ROBO2: variants seen among roughly 807,000 people sequenced by gnomAD.
The protein encoded by ROBO2 is roundabout homolog 2.
ROBO2 carries 53 observed loss-of-function variants against 160.8 expected under a neutral mutation model. That is an observed-to-expected ratio of 0.33 (90% CI 0.26 to 0.41). ROBO2 has a LOEUF of 0.41. Among genes scored for constraint, ROBO2 ranks in the 10% least tolerant of loss-of-function variants. The pLI is 1.00. For synonymous variants in ROBO2, 664 were observed against 611.7 expected (o/e 1.09, Z -1.26); for missense variants, 1,577 against 1,722.4 (o/e 0.92, Z 1.49).
intron 2 of ROBO2, among the ~76,000 whole-genome samples, chr3:76,019,553 G>A (rs535232878): frequency 1.3e-3 from 192 of 150,244 alleles, no homozygotes; most frequent in South Asian, 5.7e-3. Context: ...CTGAAGTTCC[G>A]TGTATATCTG....
intron 1 of ROBO2, among the ~76,000 whole-genome samples, chr3:77,041,903 A>G (rs1240634702): frequency 6.6e-6 from 1 of 152,152 alleles, no homozygotes; most frequent in Non-Finnish European, 1.5e-5. Flanking sequence ...GAGCCATCAC[A>G]ATAGCTTGTT....
chr3:77,422,486 C>T (rs981840949), intron 2 of ROBO2, among the ~76,000 whole-genome samples: 3 of 152,262 alleles, frequency 2.0e-5, no homozygotes, highest in East Asian at 1.9e-4. Context: ...GTCTTTGCCA[C>T]GTCCTCCTGA....
At chr3:76,791,799 A>G (rs1350965223) in intron 2 of ROBO2, among the ~76,000 whole-genome samples, 1 of 151,658 alleles carries the variant, frequency 6.6e-6, no homozygotes, top group Admixed American at 6.6e-5. Context: ...TCAACCAACC[A>G]TGGATTGGTT....
intron 2 of ROBO2, among the ~76,000 whole-genome samples, chr3:77,401,734 C>T (rs2075814212): frequency 6.6e-6 from 1 of 152,254 alleles, no homozygotes; most frequent in South Asian, 2.1e-4. Context: ...AGGCGATGGT[C>T]AGGCATTTGT....
At chr3:76,076,439 T>C (rs947831745) in intron 2 of ROBO2, among the ~76,000 whole-genome samples, 1 of 152,144 alleles carries the variant, frequency 6.6e-6, no homozygotes, top group Non-Finnish European at 1.5e-5. Context: ...ATATAAAAAA[T>C]GGAAATCATA....
At chr3:77,310,653 G>A (rs953748740) in intron 2 of ROBO2, among the ~76,000 whole-genome samples, 19 of 152,162 alleles carry the variant, frequency 1.2e-4, no homozygotes, top group Admixed American at 5.2e-4. Flanking sequence ...AAATGGTATG[G>A]TGCAAAGCTT....
At chr3:76,268,021 C>CTAA (rs1559700557) in intron 2 of ROBO2, among the ~76,000 whole-genome samples, 1 of 152,150 alleles carries the variant, frequency 6.6e-6, no homozygotes, top group Non-Finnish European at 1.5e-5. Context: ...TGGCAAGGGC[C>CTAA]TAATACATGT....
At chr3:76,905,171 G>A (rs1577376308) in intron 2 of ROBO2, among the ~76,000 whole-genome samples, 1 of 152,074 alleles carries the variant, frequency 6.6e-6, no homozygotes, top group Admixed American at 6.6e-5. Flanking sequence ...AGAGATTGAT[G>A]TTTTATCCCA....
At chr3:75,957,872 C>T (rs1161072971) in intron 2 of ROBO2, among the ~76,000 whole-genome samples, 2 of 151,534 alleles carry the variant, frequency 1.3e-5, no homozygotes, top group Admixed American at 1.3e-4. Flanking sequence ...CAGCTTTGTT[C>T]AGTTATATAC....
chr3:77,585,987 A>G (rs1191879498), intron 16 of ROBO2, among the ~76,000 whole-genome samples: 4 of 152,096 alleles, frequency 2.6e-5, no homozygotes, highest in South Asian at 2.1e-4. Flanking sequence ...GATTTGTACT[A>G]TGCCAGACCA....
At chr3:76,631,432 AAAGT>A (rs1475891642) in intron 2 of ROBO2, among the ~76,000 whole-genome samples, 1 of 152,200 alleles carries the variant, frequency 6.6e-6, no homozygotes, top group African/African-American at 2.4e-5. Flanking sequence ...TAGAAAAAAA[AAAGT>A]AAGTATTTTG....
chr3:76,746,002 G>T (rs2093883983), intron 2 of ROBO2, among the ~76,000 whole-genome samples: 1 of 109,140 alleles, frequency 9.2e-6, no homozygotes, highest in Non-Finnish European at 1.7e-5. Flanking sequence ...CCCCAAAACA[G>T]TCCCCAGAGT....
intron 2 of ROBO2, among the ~76,000 whole-genome samples, chr3:76,811,130 A>G (rs1469356757): frequency 6.6e-6 from 1 of 152,142 alleles, no homozygotes; most frequent in Non-Finnish European, 1.5e-5. Context: ...ATAATATTCA[A>G]AGTTTGGGAA....
chr3:76,798,217 A>C (rs181213662), intron 2 of ROBO2, among the ~76,000 whole-genome samples: 1 of 149,462 alleles, frequency 6.7e-6, no homozygotes, highest in Non-Finnish European at 1.5e-5. Context: ...GAAAGAGAAA[A>C]AGAAAGAAAG....
intron 2 of ROBO2, among the ~76,000 whole-genome samples, chr3:76,277,918 C>A: frequency 6.6e-6 from 1 of 150,778 alleles, no homozygotes; most frequent in Non-Finnish European, 1.5e-5. Flanking sequence ...TTGAAAGTTA[C>A]AGTTTTTTGT....
At chr3:76,396,477 A>G (rs1296333044) in intron 2 of ROBO2, among the ~76,000 whole-genome samples, 1 of 152,144 alleles carries the variant, frequency 6.6e-6, no homozygotes, top group African/African-American at 2.4e-5. Context: ...GGTCAGGGCA[A>G]TTAGGCAGGA....
At chr3:75,917,648 C>T (rs1946867164) in intron 1 of ROBO2, among the ~76,000 whole-genome samples, 1 of 152,152 alleles carries the variant, frequency 6.6e-6, no homozygotes, top group Non-Finnish European at 1.5e-5. Flanking sequence ...TTTACAAGGC[C>T]ACCAGTGGTG....
chr3:76,201,017 G>T (rs1461803545), intron 2 of ROBO2, among the ~76,000 whole-genome samples: 1 of 151,482 alleles, frequency 6.6e-6, no homozygotes, highest in Non-Finnish European at 1.5e-5. Flanking sequence ...CATTCGTAGG[G>T]TTTGAATTAT....
chr3:76,833,360 T>C (rs1222042587), intron 2 of ROBO2, among the ~76,000 whole-genome samples: 2 of 152,162 alleles, frequency 1.3e-5, no homozygotes, highest in Admixed American at 1.3e-4. Flanking sequence ...TATGTAGCAA[T>C]ATATGATTAC....
Sources: allele counts gnomAD v4.1 joint callset (sites outside exome capture counted in the v4.1 genomes callset), GRCh38; gene constraint gnomAD v4.1.1; transcripts MANE v1.5; gene names NCBI Gene and HGNC (gene_info 2026-07-23, HGNC 2026-07-21).